The following ERBB4 variants were observed in gnomAD, a reference collection of about 807,000 sequenced individuals.
ERBB4 encodes receptor tyrosine-protein kinase erbB-4.
In ERBB4, 42 loss-of-function variants were observed where a neutral mutation model predicts 158.0. The observed-to-expected ratio is 0.27, with a 90% confidence interval of 0.21 to 0.34. ERBB4 has a LOEUF of 0.34. Ranked by LOEUF, ERBB4 falls within the 10% of genes least tolerant of loss-of-function variation. The probability of loss-of-function intolerance (pLI) is 1.00; values close to 1 mark genes in which losing one functional copy is unlikely to be tolerated. For missense variants in ERBB4, 1,333 were observed against 1,624.1 expected (o/e 0.82, Z 3.08); for synonymous variants, 583 against 558.7 (o/e 1.04, Z -0.61).
chr2:212,335,638 C>T (rs938536712), intron 1 of ERBB4, among the ~76,000 whole-genome samples: 6 of 151,884 alleles, frequency 4.0e-5, no homozygotes, highest in African/African-American at 9.7e-5. Flanking sequence ...CTTAACATTT[C>T]GTAGGAGACA....
chr2:212,348,350 C>T (rs1213092226), intron 1 of ERBB4, among the ~76,000 whole-genome samples: 1 of 151,976 alleles, frequency 6.6e-6, no homozygotes, highest in Non-Finnish European at 1.5e-5. Flanking sequence ...TTATCACTTG[C>T]CATGAGTTAA....
At chr2:212,023,103 A>G (rs924902669) in intron 2 of ERBB4, among the ~76,000 whole-genome samples, 1 of 152,118 alleles carries the variant, frequency 6.6e-6, no homozygotes, top group Non-Finnish European at 1.5e-5. Flanking sequence ...CCTAGGGAGT[A>G]TAGAGAAAAG....
Position 211,780,279 on chromosome 2 carries a change from GC to G in ERBB4, c.556+7745del, listed in dbSNP as rs530660749. Among the ~76,000 whole-genome samples the G allele has an allele frequency of 3.6e-3, 543 of 152,246 alleles. 2 individuals are homozygous for G. Among genetic ancestry groups the G allele is most frequent in the African/African-American group, 0.012 (518 of 41,560 alleles). ...CTCAAGAGGCTGAAACAGGAGGATT[GC>G]CTGAACCCAAGCGGTCGAGGCTCCA... On this transcript the variant is annotated intron_variant, in intron 4 of 27. Coordinates refer to ENST00000342788, the MANE Select transcript of ERBB4 (RefSeq NM_005235.3).
chr2:212,244,437 A>G (rs1271962279), intron 1 of ERBB4, among the ~76,000 whole-genome samples: 1 of 152,178 alleles, frequency 6.6e-6, no homozygotes, highest in Non-Finnish European at 1.5e-5. Context: ...TGCAAGGCAG[A>G]ATTTGAGATC....
chr2:212,403,371 C>A (rs536629302), intron 1 of ERBB4, among the ~76,000 whole-genome samples: 1 of 152,148 alleles, frequency 6.6e-6, no homozygotes, highest in Admixed American at 6.6e-5. Context: ...AATAGAACTA[C>A]ATACCAGCAG....
chr2:212,336,156 A>T (rs1411575516), intron 1 of ERBB4, among the ~76,000 whole-genome samples: 1 of 151,992 alleles, frequency 6.6e-6, no homozygotes, highest in East Asian at 1.9e-4. Flanking sequence ...GTGTTTTACC[A>T]TACTTCAATT....
In ERBB4 at chr2:211,630,518, C is replaced by T. The variant is rs1453260317; in HGVS notation, c.2023G>A (p.Val675Ile). Residue 675 changes from valine to isoleucine, a missense_variant, in exon 17 of 28, where the codon GTT becomes ATT. Coordinates refer to ENST00000342788, the MANE Select transcript of ERBB4 (RefSeq NM_005235.3). The stretch of plus-strand genomic sequence containing the variant: ...TTCTTTTTGATGCTCTTCCTTCTAA[C>T]ATAAACAGCAAATGTCAGACCCACA... ...VIVGLTFAVY[V>I]RRKSIKKKRA... 4 of 1,613,218 alleles carry T rather than the reference C, an allele frequency of 2.5e-6. No individual in the cohort carries two copies. The highest frequency in any genetic ancestry group is 3.4e-6 in the Non-Finnish European group (4 of 1,179,622).
chr2:211,599,580 C>CCTT (rs3068950), intron 19 of ERBB4, among the ~76,000 whole-genome samples: 135,759 of 150,196 alleles, frequency 0.9, 61,377 homozygotes, highest in Admixed American at 0.94. Context: ...CATTTAGAGT[C>CCTT]CTGTCAAGAA....
intron 2 of ERBB4, among the ~76,000 whole-genome samples, chr2:211,960,377 A>G (rs2081149368): frequency 6.6e-6 from 1 of 152,152 alleles, no homozygotes; most frequent in Non-Finnish European, 1.5e-5. Flanking sequence ...TAAACCTACG[A>G]GTTCATAATA....
intron 1 of ERBB4, among the ~76,000 whole-genome samples, chr2:212,168,098 C>T (rs1324654843): frequency 2.6e-5 from 4 of 151,440 alleles, no homozygotes; most frequent in Non-Finnish European, 5.9e-5. Context: ...TCTCATTTCC[C>T]TTTTAAATCT....
intron 1 of ERBB4, among the ~76,000 whole-genome samples, chr2:212,427,219 T>C (rs2091933620): frequency 6.6e-6 from 1 of 152,184 alleles, no homozygotes; most frequent in South Asian, 2.1e-4. Flanking sequence ...ATCATTACTA[T>C]GCAAATAGAA....
At chr2:212,514,476 T>C (rs1691712591) in intron 1 of ERBB4, among the ~76,000 whole-genome samples, 2 of 152,304 alleles carry the variant, frequency 1.3e-5, no homozygotes, top group Middle Eastern at 6.8e-3. Flanking sequence ...TGAAATATTA[T>C]ATACATACAT....
intron 3 of ERBB4, among the ~76,000 whole-genome samples, chr2:211,942,373 T>C (rs2080526793): frequency 6.6e-6 from 1 of 151,340 alleles, no homozygotes; most frequent in African/African-American, 2.4e-5. Context: ...TTTATTTATT[T>C]TGGGACAGGG....
chr2:212,477,732 C>G (rs901745522), intron 1 of ERBB4, among the ~76,000 whole-genome samples: 15 of 152,072 alleles, frequency 9.9e-5, no homozygotes, highest in Non-Finnish European at 1.6e-4. Context: ...TAATTTGCTG[C>G]TTCATGCATC....
chr2:211,388,070 AG>A lies in ERBB4; in HGVS notation c.3136-79del. The A allele has an allele frequency of 2.6e-6, 3 of 1,153,618 alleles. No individual in the cohort carries two copies. The East Asian group carries it at 7.0e-5, about 27-fold the overall frequency. 71.5% of individuals were successfully genotyped at this position (1,153,618 alleles called of 1,614,324 possible). On this transcript the variant is annotated intron_variant, in intron 25 of 27. Coordinates refer to ENST00000342788, the MANE Select transcript of ERBB4 (RefSeq NM_005235.3). ...AAAAAATTAAAAAAAGAAACGAAAAAGAAAAGCCACATGGGTCGTATGAACC... is the reference window on the plus strand; with the variant it reads ...AAAAAATTAAAAAAAGAAACGAAAAAAAAAGCCACATGGGTCGTATGAACC...
intron 1 of ERBB4, among the ~76,000 whole-genome samples, chr2:212,227,518 G>A (rs1049215509): frequency 6.6e-6 from 1 of 152,150 alleles, no homozygotes; most frequent in South Asian, 2.1e-4. Flanking sequence ...GATAATCAAC[G>A]ATTAATTTGA....
intron 1 of ERBB4, among the ~76,000 whole-genome samples, chr2:212,180,666 C>A (rs1291861216): frequency 6.6e-6 from 1 of 151,690 alleles, no homozygotes; most frequent in Admixed American, 6.6e-5. Flanking sequence ...AGGACATTTT[C>A]TCTAATGTCA....
intron 1 of ERBB4, among the ~76,000 whole-genome samples, chr2:212,505,450 A>T (rs1288446468): frequency 8.1e-6 from 1 of 124,180 alleles, no homozygotes; most frequent in Admixed American, 7.7e-5. Context: ...GGACACAATG[A>T]GGTCATATGT....
intron 1 of ERBB4, among the ~76,000 whole-genome samples, chr2:212,457,374 T>C (rs1688348146): frequency 6.6e-6 from 1 of 152,056 alleles, no homozygotes; most frequent in Non-Finnish European, 1.5e-5. Flanking sequence ...CTACACTATC[T>C]TTCAGATATT....
Sources: allele counts gnomAD v4.1 joint callset (sites outside exome capture counted in the v4.1 genomes callset), GRCh38; gene constraint gnomAD v4.1.1; transcripts MANE v1.5; gene names NCBI Gene and HGNC (gene_info 2026-07-23, HGNC 2026-07-21).